OXR1: variants seen among roughly 807,000 people sequenced by gnomAD.
OXR1 encodes the protein oxidation resistance 1.
In OXR1, 41 loss-of-function variants were observed where a neutral mutation model predicts 104.6. The observed-to-expected ratio is 0.39, with a 90% CI of 0.31 to 0.51. The LOEUF (loss-of-function observed/expected upper bound fraction) is 0.51, where lower values mean the gene tolerates loss of function less well. Among genes scored for constraint, OXR1 ranks in the 20% least tolerant of loss-of-function variants. The pLI, the probability that OXR1 is intolerant of heterozygous loss-of-function variation, is 0.77. For synonymous variants in OXR1, 348 were observed against 348.4 expected (o/e 1.00, Z 0.01); for missense variants, 955 against 1,031.9 (o/e 0.93, Z 1.02).
At chr8:106,536,213 C>G (rs1814518039) in intron 3 of OXR1, among the ~76,000 whole-genome samples, 1 of 135,280 alleles carries the variant, frequency 7.4e-6, no homozygotes, top group Admixed American at 8.2e-5. Flanking sequence ...GAGCAAGACT[C>G]TGTCTCAAAA....
chr8:106,416,616 C>A, intron 2 of OXR1, among the ~76,000 whole-genome samples: 1 of 151,650 alleles, frequency 6.6e-6, no homozygotes, highest in African/African-American at 2.4e-5. Context: ...AAGTGAATAC[C>A]ATAGTGCACA....
At chr8:106,366,605 T>A (rs1467266466) in intron 2 of OXR1, among the ~76,000 whole-genome samples, 1 of 152,156 alleles carries the variant, frequency 6.6e-6, no homozygotes, top group Non-Finnish European at 1.5e-5. Flanking sequence ...TAGACATGAA[T>A]ATAAGGCTGA....
At chr8:106,300,729 C>A (rs1008990757) in intron 1 of OXR1, among the ~76,000 whole-genome samples, 1 of 152,096 alleles carries the variant, frequency 6.6e-6, no homozygotes, top group African/African-American at 2.4e-5. Flanking sequence ...GCTTTAGTTA[C>A]TTTTTCATAA....
At chr8:106,685,305 C>T (rs923870189) in intron 6 of OXR1, among the ~76,000 whole-genome samples, 14 of 152,096 alleles carry the variant, frequency 9.2e-5, no homozygotes, top group South Asian at 4.2e-4. Flanking sequence ...AAAGTAACTA[C>T]GTAGCCTTAG....
intron 3 of OXR1, among the ~76,000 whole-genome samples, chr8:106,536,225 A>C (rs1375728465): frequency 9.2e-6 from 1 of 109,088 alleles, no homozygotes; most frequent in African/African-American, 3.2e-5. Flanking sequence ...GTCTCAAAAA[A>C]AAAAGAAAGA....
intron 2 of OXR1, among the ~76,000 whole-genome samples, chr8:106,361,146 A>G (rs941351472): frequency 3.9e-5 from 6 of 152,240 alleles, no homozygotes; most frequent in African/African-American, 1.4e-4. Flanking sequence ...TGTCCAGCAC[A>G]GCACCTAGAA....
At chr8:106,459,382 G>T (rs899004152) in intron 2 of OXR1, among the ~76,000 whole-genome samples, 8 of 151,998 alleles carry the variant, frequency 5.3e-5, no homozygotes, top group Admixed American at 3.3e-4. Flanking sequence ...CTCATAAGAT[G>T]CTGGCACTGT....
intron 3 of OXR1, among the ~76,000 whole-genome samples, chr8:106,537,803 AG>A (rs1814657479): frequency 1.3e-5 from 2 of 152,026 alleles, no homozygotes; most frequent in Admixed American, 1.3e-4. Context: ...GGGTTCAGAG[AG>A]GGGGGAATAT....
intron 3 of OXR1, among the ~76,000 whole-genome samples, chr8:106,553,136 A>C (rs1815989179): frequency 6.6e-6 from 1 of 152,120 alleles, no homozygotes; most frequent in Non-Finnish European, 1.5e-5. Flanking sequence ...GCACACCAGC[A>C]TGGCACATGT....
At chr8:106,284,333 G>C (rs767365578) in intron 1 of OXR1, among the ~76,000 whole-genome samples, 1 of 152,026 alleles carries the variant, frequency 6.6e-6, no homozygotes, top group South Asian at 2.1e-4. Flanking sequence ...CACATATGAG[G>C]ACACCAAAGA....
intron 2 of OXR1, among the ~76,000 whole-genome samples, chr8:106,371,803 T>A (rs192966526): frequency 1.4e-3 from 213 of 152,312 alleles, no homozygotes; most frequent in Admixed American, 3.9e-3. Flanking sequence ...AGGATAGGCC[T>A]GAAGAAACAC....
At chr8:106,552,724 A>G (rs894422383) in intron 3 of OXR1, among the ~76,000 whole-genome samples, 1 of 152,192 alleles carries the variant, frequency 6.6e-6, no homozygotes, top group Non-Finnish European at 1.5e-5. Context: ...AGCTTTTCTG[A>G]TGGATGGAGG....
intron 3 of OXR1, chr8:106,657,966 C>G: frequency 8.0e-7 from 1 of 1,248,432 alleles, no homozygotes; most frequent in African/African-American, 1.5e-5. Flanking sequence ...GCCCCAGTTC[C>G]GCGTCCAGCC....
intron 3 of OXR1, among the ~76,000 whole-genome samples, chr8:106,671,513 G>A (rs1207224113): frequency 6.6e-6 from 1 of 152,182 alleles, no homozygotes; most frequent in Admixed American, 6.5e-5. Flanking sequence ...ATATTAGGCT[G>A]TGAGCATATG....
intron 7 of OXR1, among the ~76,000 whole-genome samples, chr8:106,694,941 A>C (rs1035879448): frequency 1.4e-5 from 2 of 140,164 alleles, no homozygotes; most frequent in African/African-American, 2.6e-5. Context: ...ATATATATAA[A>C]TATAAAATAT....
At chr8:106,427,178 T>C (rs933409415) in intron 2 of OXR1, among the ~76,000 whole-genome samples, 2 of 152,110 alleles carry the variant, frequency 1.3e-5, no homozygotes, top group African/African-American at 4.8e-5. Flanking sequence ...TATTTATTTA[T>C]TTATTTATTT....
At chr8:106,671,568 C>T (rs918339565) in intron 3 of OXR1, among the ~76,000 whole-genome samples, 7 of 151,916 alleles carry the variant, frequency 4.6e-5, no homozygotes, top group South Asian at 2.1e-4. Flanking sequence ...GGAACCAACC[C>T]GAATGTCCAT....
intron 1 of OXR1, among the ~76,000 whole-genome samples, chr8:106,320,457 T>C (rs969622806): frequency 6.6e-6 from 1 of 152,176 alleles, no homozygotes; most frequent in African/African-American, 2.4e-5. Flanking sequence ...ATTTGTCTCA[T>C]AGGCTCATAA....
chr8:106,372,014 G>A (rs1816726487), intron 2 of OXR1, among the ~76,000 whole-genome samples: 2 of 152,228 alleles, frequency 1.3e-5, no homozygotes, highest in African/African-American at 2.4e-5. Context: ...GGAGCTCAAA[G>A]GACTTAGACA....
Sources: gnomAD v4.1 joint callset for allele counts (sites outside exome capture counted in the v4.1 genomes callset) on GRCh38, gnomAD v4.1.1 for gene constraint, MANE v1.5 for transcripts, NCBI Gene and HGNC (gene_info 2026-07-23, HGNC 2026-07-21) for gene names.